Variants in AUTS2 observed in about 807,000 individuals in gnomAD.
The protein encoded by AUTS2 is activator of transcription and developmental regulator AUTS2, also known as autism susceptibility gene 2 protein.
AUTS2 carries 17 observed loss-of-function variants against 112.4 expected under a neutral mutation model. That is an observed-to-expected ratio of 0.15 (90% CI 0.10 to 0.23). The LOEUF (loss-of-function observed/expected upper bound fraction) is 0.23. Among genes scored for constraint, AUTS2 ranks in the 10% least tolerant of loss-of-function variants. The pLI is 1.00. For missense variants in AUTS2, 1,510 were observed against 1,701.6 expected (o/e 0.89, Z 1.98); for synonymous variants, 751 against 702.7 (o/e 1.07, Z -1.09).
At chr7:70,578,323 G>C (rs569569403) in intron 5 of AUTS2, among the ~76,000 whole-genome samples, 16 of 152,316 alleles carry the variant, frequency 1.1e-4, no homozygotes, top group African/African-American at 3.6e-4. Flanking sequence ...TGAAGATTCT[G>C]GGCCATGAAG....
chr7:70,725,071 T>C (rs925116143), intron 6 of AUTS2, among the ~76,000 whole-genome samples: 3 of 152,202 alleles, frequency 2.0e-5, no homozygotes, highest in African/African-American at 7.2e-5. Flanking sequence ...GGATATGATA[T>C]CACATTTTAT....
intron 1 of AUTS2, among the ~76,000 whole-genome samples, chr7:69,782,366 G>GTTTTTTTTTTTTT (rs35095976): frequency 7.3e-6 from 1 of 137,816 alleles, no homozygotes. Context: ...TCTCTCTCTT[G>GTTTTTTTTTTTTT]TTTTTTTTTT....
At chr7:70,361,293 A>G (rs971113236) in intron 4 of AUTS2, among the ~76,000 whole-genome samples, 3 of 152,088 alleles carry the variant, frequency 2.0e-5, no homozygotes, top group Admixed American at 6.5e-5. Flanking sequence ...AGATCGCGCC[A>G]CTGCACTCCA....
At chr7:70,077,228 A>G (rs557962965) in intron 2 of AUTS2, among the ~76,000 whole-genome samples, 25 of 152,258 alleles carry the variant, frequency 1.6e-4, no homozygotes, top group African/African-American at 5.1e-4. Context: ...ATGTTGTGAG[A>G]GAATATTAGC....
chr7:70,679,634 TG>T (rs2129545030), intron 5 of AUTS2, among the ~76,000 whole-genome samples: 1 of 152,054 alleles, frequency 6.6e-6, no homozygotes, highest in African/African-American at 2.4e-5. Context: ...AGGAAATACA[TG>T]TGGTCCCTGT....
intron 1 of AUTS2, among the ~76,000 whole-genome samples, chr7:69,846,185 T>A (rs1792193007): frequency 6.6e-6 from 1 of 152,190 alleles, no homozygotes; most frequent in Non-Finnish European, 1.5e-5. Flanking sequence ...AGTTTACCAC[T>A]GACAGTTGTA....
intron 2 of AUTS2, among the ~76,000 whole-genome samples, chr7:70,068,899 C>T (rs1374895297): frequency 6.6e-6 from 1 of 152,164 alleles, no homozygotes; most frequent in Non-Finnish European, 1.5e-5. Flanking sequence ...TCTGTGAGAC[C>T]TTTCGATAAG....
chr7:69,894,251 C>CGTTTTTT (rs1794644101), intron 1 of AUTS2, among the ~76,000 whole-genome samples: 1 of 44,042 alleles, frequency 2.3e-5, no homozygotes, highest in African/African-American at 1.2e-4. Context: ...TGCCTTAAAG[C>CGTTTTTT]GTTTTTTTTT....
At chr7:70,570,130 G>C (rs1801875674) in intron 5 of AUTS2, among the ~76,000 whole-genome samples, 1 of 152,202 alleles carries the variant, frequency 6.6e-6, no homozygotes, top group African/African-American at 2.4e-5. Context: ...GGATGAAAGT[G>C]CAGCCAGTTT....
At chr7:70,760,546 C>T (rs935603021) in intron 6 of AUTS2, among the ~76,000 whole-genome samples, 1 of 152,176 alleles carries the variant, frequency 6.6e-6, no homozygotes, top group Non-Finnish European at 1.5e-5. Flanking sequence ...TAATAGCTTG[C>T]TGTGGGAAAA....
chr7:70,163,356 G>GGA (rs1808211383), intron 4 of AUTS2, among the ~76,000 whole-genome samples: 1 of 77,222 alleles, frequency 1.3e-5, no homozygotes, highest in African/African-American at 4.0e-5. Context: ...GGGGGGGGGG[G>GGA]GGCAGAGGGG....
intron 5 of AUTS2, among the ~76,000 whole-genome samples, chr7:70,564,649 C>G (rs927386364): frequency 1.3e-5 from 2 of 152,172 alleles, no homozygotes; most frequent in Non-Finnish European, 2.9e-5. Flanking sequence ...TCACTGAACA[C>G]CAGCTACTCA....
chr7:69,934,152 T>A (rs1285440645), intron 2 of AUTS2, among the ~76,000 whole-genome samples: 3 of 152,190 alleles, frequency 2.0e-5, no homozygotes, highest in Non-Finnish European at 4.4e-5. Flanking sequence ...GTTCAGACTC[T>A]TTTTTTAGAG....
chr7:69,859,564 A>G (rs1283173215), intron 1 of AUTS2, among the ~76,000 whole-genome samples: 1 of 152,190 alleles, frequency 6.6e-6, no homozygotes, highest in Admixed American at 6.5e-5. Flanking sequence ...CCATCCAAAA[A>G]TAGGCATTAA....
At position 69,851,491 on chromosome 7, in the gene AUTS2, C is replaced by T. The variant is rs905496094; in HGVS notation, c.310-47795C>T. Among the ~76,000 whole-genome samples, 5 of 152,164 alleles carry T rather than the reference C, an allele frequency of 3.3e-5. No homozygotes were observed. In the East Asian group the frequency reaches 7.7e-4, roughly 23 times the overall value. On this transcript the variant is annotated intron_variant, in intron 1 of 18. Transcript: ENST00000342771. ...TCTTAAACACCTGGACACAAGCAAT[C>T]CCCCCACCTTCGCCTCCCAAAGTGC...
intron 4 of AUTS2, among the ~76,000 whole-genome samples, chr7:70,396,292 C>T (rs189899491): frequency 6.6e-6 from 1 of 152,212 alleles, no homozygotes; most frequent in Admixed American, 6.5e-5. Flanking sequence ...CTATGGATTA[C>T]TATTCATGTT....
chr7:70,732,837 T>C (rs1485590557), intron 6 of AUTS2, among the ~76,000 whole-genome samples: 2 of 152,356 alleles, frequency 1.3e-5, no homozygotes, highest in Admixed American at 1.3e-4. Context: ...CATTGCAGTT[T>C]TTTAAAGCAT....
intron 1 of AUTS2, among the ~76,000 whole-genome samples, chr7:69,670,397 C>T (rs1207008495): frequency 1.3e-5 from 2 of 151,984 alleles, no homozygotes; most frequent in Non-Finnish European, 2.9e-5. Context: ...CTTTTTGAGA[C>T]ACCAGCTGAA....
intron 4 of AUTS2, among the ~76,000 whole-genome samples, chr7:70,203,951 A>T (rs183782410): frequency 0.027 from 4,081 of 150,064 alleles, 75 homozygotes; most frequent in Middle Eastern, 0.055. Flanking sequence ...TATTAAAAAA[A>T]TTTTTAAGCC....
Sources: gnomAD v4.1 joint callset for allele counts (sites outside exome capture counted in the v4.1 genomes callset) on GRCh38, gnomAD v4.1.1 for gene constraint, MANE v1.5 for transcripts, NCBI Gene and HGNC (gene_info 2026-07-23, HGNC 2026-07-21) for gene names.